EWSR1: variants seen among roughly 807,000 people sequenced by gnomAD.
EWSR1 encodes the protein RNA-binding protein EWS.
A neutral mutation model predicts 92.1 loss-of-function variants in EWSR1; 14 were observed. That is an observed-to-expected ratio of 0.15 (90% confidence interval 0.10 to 0.24). The LOEUF is 0.24. EWSR1 is among the 10% of genes least tolerant of loss of function. EWSR1 has a pLI of 1.00. For synonymous variants in EWSR1, 303 were observed against 292.9 expected, an observed-to-expected ratio of 1.03 and a Z score of -0.35; for missense variants, 637 against 870.9, an observed-to-expected ratio of 0.73 and a Z score of 3.38.
chr22:29,270,208 A>G (rs1325527445), intron 1 of EWSR1, among the ~76,000 whole-genome samples: 1 of 152,196 alleles, frequency 6.6e-6, no homozygotes, highest in Non-Finnish European at 1.5e-5. Context: ...GCCTTGGGTT[A>G]ATAATAGAAG....
chr22:29,291,003 A>C (rs2060402940), intron 8 of EWSR1: 1 of 236,754 alleles, frequency 4.2e-6, no homozygotes, highest in Admixed American at 5.5e-5. Flanking sequence ...GCGATTGTTA[A>C]ATCTATTCGT....
rs1380920445 is a variant in EWSR1, at chr22:29,287,102, A to T, written c.761A>T (p.Tyr254Phe). 1 of 1,614,076 alleles carries T rather than the reference A, an allele frequency of 6.2e-7. No individual in the cohort carries two copies. The highest frequency in any genetic ancestry group is 1.1e-5 in the South Asian group (1 of 91,084). The change falls in exon 7 of 17, where the codon TAT becomes TTT. Residue 254 changes from tyrosine (Y) to phenylalanine (F), a missense_variant. Around this residue, in one of 5 missense-constraint regions of EWSR1, gnomAD observed 116 missense variants for 167.8 expected, o/e 0.69. Transcript: ENST00000397938. ...TGSYSQAPSQ[Y>F]SQQSSSYGQQ... The stretch of plus-strand genomic sequence containing the variant: ...TCCTACAGCCAAGCTCCAAGTCAAT[A>T]TAGCCAACAGAGCAGCAGCTACGGG...
intron 8 of EWSR1, chr22:29,289,286 T>C (rs1038036085): frequency 1.7e-4 from 39 of 231,398 alleles, no homozygotes; most frequent in Non-Finnish European, 2.6e-5. Context: ...CCTTAAACTA[T>C]AGCCTGAGGT....
intron 3 of EWSR1, among the ~76,000 whole-genome samples, chr22:29,272,736 A>G (rs968209799): frequency 1.3e-5 from 2 of 152,216 alleles, no homozygotes; most frequent in Non-Finnish European, 2.9e-5. Flanking sequence ...CATCATAGCA[A>G]TTCTGCAAAG....
rs2061119628 is a variant in EWSR1 at position 29,299,026 on chromosome 22, T to TAGTC, written c.1580+134_1580+137dup. On this transcript the variant is annotated intron_variant, in intron 14 of 16. Coordinates refer to ENST00000397938, the MANE Select transcript of EWSR1 (RefSeq NM_005243.4). ...GACCCTGATGGCTGGTTAGGGACAC[T>TAGTC]AGTCAGCCATTCACTGGACGCTTCA... 2.3e-6 allele frequency: 3 copies of TAGTC among 1,309,104 alleles called. No individual in the cohort carries two copies. The Admixed American group carries it at 7.2e-5, about 31-fold the overall frequency. 81.1% of individuals were successfully genotyped at this position (1,309,104 alleles called of 1,614,324 possible).
intron 11 of EWSR1, chr22:29,295,452 ACT>A (rs1307545346): frequency 9.6e-6 from 2 of 208,918 alleles, no homozygotes; most frequent in African/African-American, 2.3e-5. Context: ...ACAGAGTGAG[ACT>A]CTGTCTCACA....
intron 13 of EWSR1, among the ~76,000 whole-genome samples, chr22:29,298,431 G>C (rs183466110): frequency 1.3e-5 from 2 of 151,712 alleles, no homozygotes; most frequent in East Asian, 3.9e-4. Flanking sequence ...GTTTGAATCT[G>C]GGGGGGTGGA....
In EWSR1 at chr22:29,273,770, T is replaced by C. The variant is rs763729441; in HGVS notation, c.132T>C (p.Tyr44=). ...ATGGGCAACAAAGCTATGGAACCTA[T>C]GGACAGCCCACTGATGTCAGCTATA... ...QAYGQQSYGT[Y]GQPTDVSYTQ... Residue 44 remains tyrosine, a synonymous_variant, in exon 4 of 17, where the codon TAT becomes TAC. Coordinates refer to ENST00000397938, the MANE Select transcript of EWSR1 (RefSeq NM_005243.4). 1.2e-6 allele frequency: 2 copies of C among 1,613,766 alleles called. No individual in the cohort carries two copies. The highest frequency in any genetic ancestry group is 1.7e-6 in the Non-Finnish European group (2 of 1,179,916).
Position 29,300,248 on chromosome 22 carries a change from A to G in EWSR1, c.*87A>G, listed in dbSNP as rs1368283943. ...TTAAATTTATAATTCCATATTTATA[A>G]TGTTGGCCACAACATTATGATTATT... is the stretch of plus-strand genomic sequence containing the variant. On this transcript the variant is annotated 3_prime_UTR_variant, in exon 17 of 17. Transcript: ENST00000397938. The G allele has an allele frequency of 9.4e-6, 12 of 1,271,028 alleles. No homozygotes were observed. The highest frequency in any genetic ancestry group is 3.0e-5 in the African/African-American group (2 of 66,554). The allele number at this position is 1,271,028 out of a possible 1,614,324, so 78.7% of individuals were successfully genotyped here.
intron 8 of EWSR1, chr22:29,289,747 G>C (rs2060308417): frequency 8.6e-6 from 2 of 232,030 alleles, no homozygotes; most frequent in Admixed American, 1.1e-4. Flanking sequence ...AATTAAAGTT[G>C]ATTTTTAACT....
At chr22:29,282,754 T>G (rs1219620162) in intron 6 of EWSR1, among the ~76,000 whole-genome samples, 197 bp downstream of exon 6, 1 of 151,848 alleles carries the variant, frequency 6.6e-6, no homozygotes, top group Non-Finnish European at 1.5e-5. Flanking sequence ...ATAACTATTC[T>G]TTTTTCTTTT....
At chr22:29,276,769 G>GC (rs1298891177) in intron 4 of EWSR1, 1 of 231,288 alleles carries the variant, frequency 4.3e-6, no homozygotes, top group Non-Finnish European at 8.6e-6. Flanking sequence ...ACCCACCTCA[G>GC]CCTCCCAAGT....
intron 1 of EWSR1, among the ~76,000 whole-genome samples, chr22:29,268,681 C>T (rs997496253): frequency 1.3e-5 from 2 of 152,210 alleles, no homozygotes; most frequent in Non-Finnish European, 2.9e-5. Context: ...CCTTCGAGGC[C>T]CTGCGTGAAG....
chr22:29,292,096 G>A (rs772694995), intron 9 of EWSR1, 41 bp from the exon 10 acceptor site: 5 of 1,586,846 alleles, frequency 3.2e-6, no homozygotes, highest in Admixed American at 1.7e-5. Flanking sequence ...CTTGCAAGAC[G>A]TGCACTAATA....
intron 4 of EWSR1, among the ~76,000 whole-genome samples, chr22:29,275,470 A>G (rs1419441197): frequency 6.6e-6 from 1 of 152,182 alleles, no homozygotes; most frequent in Non-Finnish European, 1.5e-5. Flanking sequence ...GCACTTAGTA[A>G]TAATAATGTT....
In EWSR1 at chr22:29,273,723, C is replaced by G. The variant is rs55801595; in HGVS notation, c.103-18C>G. The G allele has an allele frequency of 0.071, 113,478 of 1,597,402 alleles. 4,622 individuals carry two copies. The highest frequency in any genetic ancestry group is 0.083 in the Non-Finnish European group (97,006 of 1,174,266). On this transcript the variant is annotated intron_variant, in intron 3 of 16. Transcript: ENST00000397938. Reference sequence around the variant, plus strand: ...AGTTCATGTATGAAGTTCTTGCATTCGTTTTTTTTTGGAGCAGGCATATGG... The same window carrying G: ...AGTTCATGTATGAAGTTCTTGCATTGGTTTTTTTTTGGAGCAGGCATATGG...
intron 14 of EWSR1, 28 bp downstream of exon 14, chr22:29,298,923 C>A (rs138074783): frequency 5.9e-6 from 9 of 1,521,828 alleles, no homozygotes; most frequent in Admixed American, 4.5e-5. Flanking sequence ...CAAATTGATA[C>A]CCTACGAGTG....
chr22:29,300,520 G>C lies in EWSR1; in HGVS notation c.*359G>C, dbSNP rs560429326. On this transcript the variant is annotated 3_prime_UTR_variant, in exon 17 of 17. Coordinates refer to ENST00000397938, the MANE Select transcript of EWSR1 (RefSeq NM_005243.4). Reference sequence around the variant, plus strand: ...AAATAAAATTCCAAATGTTTATAAAGAGTCATCCTTCTCGGCCTCTGTTCC... The same window carrying C: ...AAATAAAATTCCAAATGTTTATAAACAGTCATCCTTCTCGGCCTCTGTTCC... 4.8e-5 allele frequency: 10 copies of C among 209,362 alleles called. No homozygotes were observed. Among genetic ancestry groups the C allele is most frequent in the Middle Eastern group, 1.7e-3 (1 of 590 alleles). 13.0% of individuals were successfully genotyped at this position (209,362 alleles called of 1,614,324 possible). A position where few individuals can be genotyped will look rare whatever the true frequency, so the allele number is the denominator to read the frequency against.
At position 29,273,780 on chromosome 22, in the gene EWSR1, A is replaced by C; in HGVS notation, c.142A>C (p.Thr48Pro). 6.2e-7 allele frequency: 1 copy of C among 1,613,940 alleles called. No homozygotes were observed. The highest frequency in any genetic ancestry group is 8.5e-7 in the Non-Finnish European group (1 of 1,179,938). Residue 48 changes from threonine (T) to proline (P), a missense_variant, in exon 4 of 17, where the codon ACT becomes CCT. By Grantham distance (38) the Thr-to-Pro change is conservative. This residue lies in a region of EWSR1 where 144 missense variants were observed against 189.0 expected (regional missense o/e 0.76). Transcript: ENST00000397938. ...QQSYGTYGQP[T>P]DVSYTQAQTT... Reference sequence around the variant, plus strand: ...AAGCTATGGAACCTATGGACAGCCCACTGATGTCAGCTATACCCAGGCTCA... The same window carrying C: ...AAGCTATGGAACCTATGGACAGCCCCCTGATGTCAGCTATACCCAGGCTCA...
Sources: gnomAD v4.1 joint callset for allele counts (sites outside exome capture counted in the v4.1 genomes callset) on GRCh38, gnomAD v4.1.1 for gene constraint, gnomAD v4.1.1 regional missense constraint, MANE v1.5 for transcripts, NCBI Gene and HGNC (gene_info 2026-07-23, HGNC 2026-07-21) for gene names.